Variants in RBMS1 observed in about 807,000 individuals in gnomAD.
RBMS1 encodes the protein RNA-binding motif, single-stranded-interacting protein 1.
A neutral mutation model predicts 62.3 loss-of-function variants in RBMS1; 17 were observed. That is an observed-to-expected ratio of 0.27 (90% confidence interval 0.19 to 0.41). RBMS1 has a LOEUF of 0.41. Ranked by LOEUF, RBMS1 falls within the 10% of genes least tolerant of loss-of-function variation. The probability of loss-of-function intolerance (pLI) is 1.00; values close to 1 mark genes in which losing one functional copy is unlikely to be tolerated. For missense variants in RBMS1, 334 were observed against 504.5 expected (o/e 0.66, Z 3.24); for synonymous variants, 172 against 170.0 (o/e 1.01, Z -0.09).
chr2:160,303,074 T>A (rs932781494), intron 5 of RBMS1, among the ~76,000 whole-genome samples: 2 of 152,186 alleles, frequency 1.3e-5, no homozygotes, highest in African/African-American at 2.4e-5. Context: ...CACACACACG[T>A]TCAGAACTTT....
At chr2:160,439,253 C>G (rs1683282011) in intron 1 of RBMS1, among the ~76,000 whole-genome samples, 1 of 151,930 alleles carries the variant, frequency 6.6e-6, no homozygotes, top group African/African-American at 2.4e-5. Context: ...TCCTCACTTC[C>G]CAGACGGGGT....
chr2:160,478,275 T>C (rs1396139252), intron 1 of RBMS1, among the ~76,000 whole-genome samples: 2 of 152,238 alleles, frequency 1.3e-5, no homozygotes, highest in East Asian at 1.9e-4. Context: ...CACACACTTA[T>C]GGGAAGAAAA....
intron 1 of RBMS1, among the ~76,000 whole-genome samples, chr2:160,482,970 A>C (rs1259525605): frequency 2.0e-5 from 3 of 152,184 alleles, no homozygotes; most frequent in Non-Finnish European, 4.4e-5. Context: ...TGTACTGCTG[A>C]AACATGTATT....
chr2:160,341,156 C>CCTTTTTA (rs1691848782), intron 2 of RBMS1, among the ~76,000 whole-genome samples: 1 of 152,018 alleles, frequency 6.6e-6, no homozygotes. Context: ...AGTATTAAAT[C>CCTTTTTA]CTTTTTACTT....
chr2:160,450,726 G>A (rs1221800718), intron 1 of RBMS1, among the ~76,000 whole-genome samples: 1 of 152,216 alleles, frequency 6.6e-6, no homozygotes, highest in East Asian at 1.9e-4. Flanking sequence ...TCCTTTTCCA[G>A]TCTATAATTA....
chr2:160,470,526 T>C (rs1408054224), intron 1 of RBMS1, among the ~76,000 whole-genome samples: 1 of 152,206 alleles, frequency 6.6e-6, no homozygotes, highest in Non-Finnish European at 1.5e-5. Flanking sequence ...TTCCTTATTA[T>C]AGTAAATTCT....
intron 2 of RBMS1, among the ~76,000 whole-genome samples, chr2:160,322,187 G>T (rs577507875): frequency 6.6e-6 from 1 of 152,218 alleles, no homozygotes; most frequent in East Asian, 1.9e-4. Flanking sequence ...GTGCATATGA[G>T]AAAACAAAAA....
At chr2:160,405,637 A>T (rs1168679294) in intron 1 of RBMS1, among the ~76,000 whole-genome samples, 1 of 152,198 alleles carries the variant, frequency 6.6e-6, no homozygotes, top group African/African-American at 2.4e-5. Context: ...TATAGAAAAA[A>T]GAAAGTCTGT....
chr2:160,454,080 A>G (rs1297591252), intron 1 of RBMS1, among the ~76,000 whole-genome samples: 2 of 152,228 alleles, frequency 1.3e-5, no homozygotes, highest in African/African-American at 4.8e-5. Context: ...GTTCTATCAA[A>G]GTAGAAGCCA....
intron 1 of RBMS1, among the ~76,000 whole-genome samples, chr2:160,383,511 A>T (rs978604006): frequency 5.9e-5 from 9 of 151,576 alleles, no homozygotes; most frequent in Admixed American, 2.0e-4. Flanking sequence ...TTTTATTTTT[A>T]AAAAATAGAC....
At chr2:160,434,660 T>A (rs1435436371) in intron 1 of RBMS1, among the ~76,000 whole-genome samples, 4 of 152,228 alleles carry the variant, frequency 2.6e-5, no homozygotes, top group Non-Finnish European at 5.9e-5. Context: ...AGAAACTTAA[T>A]TTTTAAGTAA....
At chr2:160,447,778 G>A (rs1683719357) in intron 1 of RBMS1, among the ~76,000 whole-genome samples, 1 of 152,214 alleles carries the variant, frequency 6.6e-6, no homozygotes, top group African/African-American at 2.4e-5. Context: ...AAGATCAAGA[G>A]ATACTGCAGC....
chr2:160,486,764 C>T (rs571426580), intron 1 of RBMS1, among the ~76,000 whole-genome samples: 4 of 152,256 alleles, frequency 2.6e-5, no homozygotes, highest in Admixed American at 1.3e-4. Context: ...GAAATGCCAG[C>T]CCACATTAGA....
intron 1 of RBMS1, chr2:160,407,719 C>A (rs1442730673): frequency 3.1e-6 from 3 of 981,382 alleles, no homozygotes; most frequent in African/African-American, 3.5e-5. Flanking sequence ...CCGCCTTCGA[C>A]CTCCGCACTC....
intron 2 of RBMS1, among the ~76,000 whole-genome samples, chr2:160,340,722 T>C (rs1373295680): frequency 6.6e-6 from 1 of 152,184 alleles, no homozygotes; most frequent in Non-Finnish European, 1.5e-5. Context: ...TAAAGCTAAA[T>C]AAATTAGCAG....
rs544191568 is a variant in RBMS1, at chr2:160,303,449, A to G, written c.441T>C (p.Asn147=). 2.9e-5 allele frequency: 47 copies of G among 1,613,124 alleles called. No individual in the cohort carries two copies. The South Asian group carries it at 5.1e-4, about 17-fold the overall frequency. Reference sequence around the variant, plus strand: ...CTTGCTCATCCATGGAGAGTGGCAAATTAGAAATGTAGAGGTTGGTAGGAT... The same window carrying G: ...CTTGCTCATCCATGGAGAGTGGCAAGTTAGAAATGTAGAGGTTGGTAGGAT... ...EQDPTNLYIS[N]LPLSMDEQEL... is the part of the protein sequence containing the mutation. Residue 147 remains asparagine (N), a synonymous_variant, in exon 5 of 14, where the codon AAT becomes AAC. Coordinates refer to ENST00000348849, the MANE Select transcript of RBMS1 (RefSeq NM_016836.4).
At position 160,274,512 on chromosome 2, in the gene RBMS1, T is replaced by C. The variant is rs933546265; in HGVS notation, c.*260A>G. 2 of 145,102 alleles carry C rather than the reference T, an allele frequency of 1.4e-5. No homozygotes were observed. Among genetic ancestry groups the C allele is most frequent in the East Asian group, 4.1e-4 (2 of 4,858 alleles). 9.0% of individuals were successfully genotyped at this position (145,102 alleles called of 1,614,324 possible). ...ATCATAACATTTGATAAAAATCTTT[T>C]GTTTTTGTTTTTTGTTTTTTTTTTT... On this transcript the variant is annotated 3_prime_UTR_variant, in exon 14 of 14. Transcript: ENST00000348849.
intron 1 of RBMS1, among the ~76,000 whole-genome samples, chr2:160,489,713 C>T (rs1283704095): frequency 6.6e-6 from 1 of 151,924 alleles, no homozygotes; most frequent in Non-Finnish European, 1.5e-5. Flanking sequence ...TAGAAAGAAA[C>T]GTATCTTTCG....
chr2:160,458,193 G>A (rs538156681), intron 1 of RBMS1, among the ~76,000 whole-genome samples: 1 of 151,974 alleles, frequency 6.6e-6, no homozygotes, highest in South Asian at 2.1e-4. Flanking sequence ...TGAACTCCTG[G>A]CCTCAAGTGA....
Sources: allele counts gnomAD v4.1 joint callset (sites outside exome capture counted in the v4.1 genomes callset), GRCh38; gene constraint gnomAD v4.1.1; transcripts MANE v1.5; gene names NCBI Gene and HGNC (gene_info 2026-07-23, HGNC 2026-07-21).